The following TYK2 variants were observed in gnomAD, a reference collection of about 807,000 sequenced individuals.
TYK2 encodes tyrosine kinase 2.
Under a neutral mutation model 130.9 loss-of-function variants are expected in TYK2, and 65 were observed. The ratio of observed to expected loss-of-function variants is 0.50; its 90% CI spans 0.41 to 0.61. TYK2 has a LOEUF of 0.61. TYK2 is among the 20% of genes least tolerant of loss of function. TYK2 has a pLI of 0.00. For synonymous variants in TYK2, 647 were observed against 658.9 expected (o/e 0.98, Z 0.28); for missense variants, 1,378 against 1,610.7 (o/e 0.86, Z 2.47).
chr19:10,371,398 TGGGAGGCTGA>T (rs1468478993), intron 3 of TYK2, among the ~76,000 whole-genome samples: 1 of 152,008 alleles, frequency 6.6e-6, no homozygotes, highest in Non-Finnish European at 1.5e-5. Flanking sequence ...CCCAGCACTT[TGGGAGGCTGA>T]GGGAGGCGGA....
intron 3 of TYK2, among the ~76,000 whole-genome samples, chr19:10,377,591 G>C: frequency 1.1e-5 from 1 of 94,148 alleles, no homozygotes; most frequent in Non-Finnish European, 2.2e-5. Context: ...TGGATGGATG[G>C]ATGAATGGAT....
intron 7 of TYK2, 138 bp from the exon 8 acceptor site, chr19:10,365,186 G>A (rs1047438153): frequency 5.9e-6 from 6 of 1,019,252 alleles, no homozygotes; most frequent in Non-Finnish European, 8.4e-6. Flanking sequence ...CAGTGTCACA[G>A]GTGGGATGGG....
chr19:10,375,390 G>A (rs2145338083), intron 3 of TYK2, among the ~76,000 whole-genome samples: 1 of 152,142 alleles, frequency 6.6e-6, no homozygotes, highest in African/African-American at 2.4e-5. Flanking sequence ...GGCTGAGGCA[G>A]GTGGATCACT....
At position 10,365,718 on chromosome 19, in the gene TYK2, G is replaced by A. The variant is rs56107150; in HGVS notation, c.810C>T (p.Phe270=). Residue 270 remains phenylalanine (F), a synonymous_variant, in exon 7 of 25, where the codon TTC becomes TTT. Transcript: ENST00000525621. ...LATLERLAPR[F]GTERVPVCHL... The stretch of plus-strand genomic sequence containing the variant: ...GGCACACGGGCACACGCTCTGTGCC[G>A]AAGCGGGGTGCCAGCCGCTCGAGTG... 162 of 1,612,832 alleles carry A rather than the reference G, an allele frequency of 1.0e-4. No homozygotes were observed. The highest frequency in any genetic ancestry group is 1.2e-4 in the Non-Finnish European group (147 of 1,179,758).
chr19:10,358,376 C>T (rs2041221222), intron 15 of TYK2, among the ~76,000 whole-genome samples: 1 of 143,572 alleles, frequency 7.0e-6, no homozygotes, highest in Admixed American at 7.1e-5. Context: ...ACATAGCTCA[C>T]TGCAGCTTCA....
chr19:10,370,930 G>C (rs1417744166), intron 3 of TYK2, among the ~76,000 whole-genome samples: 1 of 151,800 alleles, frequency 6.6e-6, no homozygotes, highest in Non-Finnish European at 1.5e-5. Flanking sequence ...TTGAACCTAG[G>C]AGTTCAAGAC....
rs1568337298 is a variant in TYK2, at chr19:10,365,003, C to T, written c.1057G>A (p.Gly353Arg). The change falls in exon 8 of 25, where the codon GGG becomes AGG. Residue 353 changes from glycine (G) to arginine (R), a missense_variant. Gly to Arg is a moderately radical substitution (Grantham distance 125). Transcript: ENST00000525621. ...GCCTTGTGAGCCTTGGCCTTCTTCC[C>T]AAACAGGCTGGCTTGGGGGTTCCTG... is the stretch of plus-strand genomic sequence containing the variant. ...SGRNPQASLFGKKAKAHKAVG... is the reference protein window; with the variant it reads ...SGRNPQASLFRKKAKAHKAVG... 6.2e-7 allele frequency: 1 copy of T among 1,612,504 alleles called. No homozygotes were observed. Among genetic ancestry groups the T allele is most frequent in the Non-Finnish European group, 8.5e-7 (1 of 1,178,994 alleles).
At position 10,369,974 on chromosome 19, in the gene TYK2, G is replaced by A. The variant is rs764181933; in HGVS notation, c.194-1556C>T. The A allele has an allele frequency of 2.7e-5, 9 of 328,216 alleles. No homozygotes were observed. The East Asian group carries it at 9.0e-4, about 33-fold the overall frequency. The allele number at this position is 328,216 out of a possible 1,614,324, so 20.3% of individuals were successfully genotyped here. A position where few individuals can be genotyped will look rare whatever the true frequency, so the allele number is the denominator to read the frequency against. On this transcript the variant is annotated intron_variant, in intron 3 of 24. Coordinates refer to ENST00000525621, the MANE Select transcript of TYK2 (RefSeq NM_003331.5). ...CAAGAGAATGGTGTGAATTCAGGAG[G>A]TGGAACTTGCAGTGAGCCGAGATTG...
At chr19:10,372,931 T>C (rs936091268) in intron 3 of TYK2, among the ~76,000 whole-genome samples, 1 of 151,862 alleles carries the variant, frequency 6.6e-6, no homozygotes, top group African/African-American at 2.4e-5. Flanking sequence ...TGTTGCAATC[T>C]TGGTTCACCG....
At chr19:10,356,917 A>C in intron 17 of TYK2, 199 bp from the exon 18 acceptor site, 2 of 628,146 alleles carry the variant, frequency 3.2e-6, no homozygotes, top group East Asian at 2.8e-5. Flanking sequence ...ACCCAGGTCC[A>C]GTGATTATGC....
chr19:10,356,754 C>A, intron 17 of TYK2, 36 bp from the exon 18 acceptor site: 5 of 1,564,588 alleles, frequency 3.2e-6, no homozygotes, highest in Non-Finnish European at 4.3e-6. Flanking sequence ...TCAACATCCT[C>A]CCCTCGCCCC....
chr19:10,350,975 G>C lies in TYK2; in HGVS notation c.3430-7C>G, dbSNP rs1167996165. 2 of 1,614,176 alleles carry C rather than the reference G, an allele frequency of 1.2e-6. No homozygotes were observed. On this transcript the variant is annotated splice_region_variant and splice_polypyrimidine_tract_variant and intron_variant, in intron 24 of 24. Coordinates refer to ENST00000525621, the MANE Select transcript of TYK2 (RefSeq NM_003331.5). ...TCTTCATGAGATGATAGACCTAGAA[G>C]GAAAAACCAGGGCTGGTGGGGGCTG...
chr19:10,365,746 G>A lies in TYK2; in HGVS notation c.782C>T (p.Ala261Val). The stretch of plus-strand genomic sequence containing the variant: ...GCGGGGTGCCAGCCGCTCGAGTGTG[G>A]CTAGGTATTTGACCATGACCATCTG... ...SQQMVMVKYLATLERLAPRFG... is the reference protein window; with the variant it reads ...SQQMVMVKYLVTLERLAPRFG... Residue 261 changes from alanine to valine, a missense_variant, in exon 7 of 25, where the codon GCC (alanine) becomes GTC (valine). Transcript: ENST00000525621. 1 of 1,612,842 alleles carries A rather than the reference G, an allele frequency of 6.2e-7. No homozygotes were observed. The highest frequency in any genetic ancestry group is 8.5e-7 in the Non-Finnish European group (1 of 1,179,854).
chr19:10,357,600 C>CT, intron 17 of TYK2, 164 bp downstream of exon 17: 1 of 938,462 alleles, frequency 1.1e-6, no homozygotes, highest in Non-Finnish European at 1.7e-6. Context: ...CCTAAAAAGG[C>CT]TGGGACTACA....
chr19:10,368,462 A>G (rs2145276863), intron 3 of TYK2, 44 bp from the exon 4 acceptor site: 3 of 1,613,156 alleles, frequency 1.9e-6, no homozygotes, highest in East Asian at 4.5e-5. Flanking sequence ...GTCATTTGCT[A>G]CCGTCAGCCC....
chr19:10,357,106 G>A lies in TYK2; in HGVS notation c.2467-388C>T, dbSNP rs183352833. 2.0e-3 allele frequency: 776 copies of A among 384,942 alleles called. 3 individuals are homozygous for A. The highest frequency in any genetic ancestry group is 2.8e-3 in the Non-Finnish European group (567 of 205,002). The allele number at this position is 384,942 out of a possible 1,614,324, so 23.8% of individuals were successfully genotyped here. On this transcript the variant is annotated intron_variant, in intron 17 of 24. Transcript: ENST00000525621. ...CTACACTTAGATAAAACCTCTTCTGGGGCCGGGCACTGTGGCTCATGCCTG... is the reference window on the plus strand; with the variant it reads ...CTACACTTAGATAAAACCTCTTCTGAGGCCGGGCACTGTGGCTCATGCCTG...
intron 3 of TYK2, among the ~76,000 whole-genome samples, chr19:10,371,106 C>T (rs1394297363): frequency 2.0e-5 from 3 of 151,938 alleles, no homozygotes; most frequent in Non-Finnish European, 4.4e-5. Context: ...GCTGGGACTA[C>T]AGGCGCACGC....
At chr19:10,355,978 G>A (rs980858131) in intron 18 of TYK2, among the ~76,000 whole-genome samples, 2 of 151,676 alleles carry the variant, frequency 1.3e-5, no homozygotes, top group East Asian at 3.9e-4. Flanking sequence ...AGAAAAAAGA[G>A]CATATTAATT....
chr19:10,359,185 A>G lies in TYK2; in HGVS notation c.2165T>C (p.Leu722Pro). 6.2e-7 allele frequency: 1 copy of G among 1,603,776 alleles called. No individual in the cohort carries two copies. The part of the protein sequence containing the change: ...MVVAQQLASA[L>P]SYLENKNLVH... ...ACACAGGCCACACACCAGGTAGCTGAGGGCGCTGGCCAGCTGCTGGGCCAC... is the reference window on the plus strand; with the variant it reads ...ACACAGGCCACACACCAGGTAGCTGGGGGCGCTGGCCAGCTGCTGGGCCAC... The change falls in exon 15 of 25, where the codon CTC (leucine) becomes CCC (proline). Residue 722 changes from leucine (L) to proline (P), a missense_variant. Coordinates refer to ENST00000525621, the MANE Select transcript of TYK2 (RefSeq NM_003331.5).
Sources: gnomAD v4.1 joint callset for allele counts (sites outside exome capture counted in the v4.1 genomes callset) on GRCh38, gnomAD v4.1.1 for gene constraint, MANE v1.5 for transcripts, NCBI Gene and HGNC (gene_info 2026-07-23, HGNC 2026-07-21) for gene names.